VDAC1: variants seen among roughly 807,000 people sequenced by gnomAD.
The protein encoded by VDAC1 is non-selective voltage-gated ion channel VDAC1.
VDAC1 carries 10 observed loss-of-function variants against 34.7 expected under a neutral mutation model. The observed-to-expected ratio is 0.29, with a 90% CI of 0.18 to 0.49. The LOEUF is 0.49. Ranked by LOEUF, VDAC1 falls within the 20% of genes least tolerant of loss-of-function variation. The pLI, the probability that VDAC1 is intolerant of heterozygous loss-of-function variation, is 0.99. For synonymous variants in VDAC1, 130 were observed against 136.0 expected (o/e 0.96, Z 0.30); for missense variants, 230 against 347.9 (o/e 0.66, Z 2.69).
At chr5:134,075,787 A>G in the VDAC1 span, among the ~76,000 whole-genome samples, 1,340 of 151,852 alleles carry the variant, frequency 8.8e-3, 20 homozygotes, top group African/African-American at 0.029. Flanking sequence ...GGGTTTCACC[A>G]TGTTAGCCAG....
At chr5:133,994,135 C>T (rs548189023) in intron 1 of VDAC1, among the ~76,000 whole-genome samples, 4 of 152,256 alleles carry the variant, frequency 2.6e-5, no homozygotes, top group African/African-American at 9.6e-5. Flanking sequence ...ATATGACATG[C>T]TCCTGGCATG....
chr5:134,080,554 G>A, the VDAC1 span, among the ~76,000 whole-genome samples: 8 of 151,714 alleles, frequency 5.3e-5, no homozygotes, highest in African/African-American at 1.7e-4. Context: ...TTAAGTCACC[G>A]AGGTACCATA....
chr5:134,055,624 G>C, the VDAC1 span, among the ~76,000 whole-genome samples: 1 of 91,700 alleles, frequency 1.1e-5, no homozygotes, highest in African/African-American at 4.9e-5. Context: ...TTTTTTAGTA[G>C]AGACAGGGTT....
At chr5:133,977,356 C>G (rs1752519493) in intron 6 of VDAC1, among the ~76,000 whole-genome samples, 1 of 152,224 alleles carries the variant, frequency 6.6e-6, no homozygotes, top group Non-Finnish European at 1.5e-5. Context: ...TAAAATGTCT[C>G]CCTCTTTCAA....
At chr5:133,996,655 A>C (rs1753326057) in intron 1 of VDAC1, among the ~76,000 whole-genome samples, 1 of 152,172 alleles carries the variant, frequency 6.6e-6, no homozygotes, top group African/African-American at 2.4e-5. Context: ...ATATGGAAAA[A>C]GTTACGTATA....
At chr5:134,095,071 T>C in the VDAC1 span, among the ~76,000 whole-genome samples, 1 of 33,942 alleles carries the variant, frequency 2.9e-5, no homozygotes, top group Non-Finnish European at 8.7e-5. Context: ...AGACGTGCCA[T>C]GTAAAAAAAG....
At chr5:133,993,739 T>C (rs1753194525) in intron 1 of VDAC1, among the ~76,000 whole-genome samples, 1 of 152,222 alleles carries the variant, frequency 6.6e-6, no homozygotes, top group African/African-American at 2.4e-5. Flanking sequence ...AAAGGACTAC[T>C]TGGGATTGCT....
At chr5:134,024,308 A>G in the VDAC1 span, among the ~76,000 whole-genome samples, 1 of 152,086 alleles carries the variant, frequency 6.6e-6, no homozygotes, top group Non-Finnish European at 1.5e-5. Flanking sequence ...GAGGGCAGTC[A>G]CTTGAGGTCA....
chr5:134,005,981 A>G (rs1463807824), upstream of VDAC1, among the ~76,000 whole-genome samples: 1 of 152,170 alleles, frequency 6.6e-6, no homozygotes, highest in East Asian at 1.9e-4. Flanking sequence ...GGAGGAGGCA[A>G]TCAGGACTGG....
the VDAC1 span, among the ~76,000 whole-genome samples, chr5:134,039,532 T>C: frequency 6.6e-6 from 1 of 151,980 alleles, no homozygotes; most frequent in Non-Finnish European, 1.5e-5. Flanking sequence ...GGTTTCACCG[T>C]GTTAGCCAGG....
chr5:133,980,653 A>AAAAAAAC, intron 6 of VDAC1, 76 bp downstream of exon 6: 1 of 953,196 alleles, frequency 1.0e-6, no homozygotes, highest in Non-Finnish European at 1.5e-6. Flanking sequence ...AAAAAAAAAA[A>AAAAAAAC]CAGTGAAAAG....
the VDAC1 span, among the ~76,000 whole-genome samples, chr5:134,070,482 A>C: frequency 7.1e-6 from 1 of 141,332 alleles, no homozygotes; most frequent in East Asian, 1.9e-4. Flanking sequence ...TTATTTTTAA[A>C]TACATGATTA....
chr5:134,097,023 C>T, the VDAC1 span, among the ~76,000 whole-genome samples: 18 of 152,254 alleles, frequency 1.2e-4, no homozygotes, highest in Non-Finnish European at 2.2e-4. Flanking sequence ...TCCCAGCGCA[C>T]ATCCCTACCA....
intron 1 of VDAC1, among the ~76,000 whole-genome samples, chr5:133,995,784 A>C (rs1753278649): frequency 6.6e-6 from 1 of 152,186 alleles, no homozygotes; most frequent in Admixed American, 6.5e-5. Context: ...CCCATTTCAG[A>C]GACAATTTTA....
the VDAC1 span, among the ~76,000 whole-genome samples, chr5:134,069,818 T>TG: frequency 7.7e-4 from 117 of 152,112 alleles, no homozygotes; most frequent in African/African-American, 2.8e-3. Context: ...AGTCACAGGA[T>TG]GAGATAGGAG....
At chr5:134,033,904 A>C in the VDAC1 span, among the ~76,000 whole-genome samples, 1 of 151,974 alleles carries the variant, frequency 6.6e-6, no homozygotes, top group Non-Finnish European at 1.5e-5. Context: ...AGGCAGGAGA[A>C]CGGCATGAAC....
chr5:134,014,980 T>C, the VDAC1 span, among the ~76,000 whole-genome samples: 1 of 152,000 alleles, frequency 6.6e-6, no homozygotes, highest in Non-Finnish European at 1.5e-5. Flanking sequence ...CAGTGGTGGA[T>C]GGAATAAAGA....
chr5:133,997,188 G>T (rs2127001613), intron 1 of VDAC1, among the ~76,000 whole-genome samples: 1 of 152,248 alleles, frequency 6.6e-6, no homozygotes, highest in Admixed American at 6.5e-5. Flanking sequence ...TCTTTTTGGA[G>T]AGCAATTAAC....
the VDAC1 span, among the ~76,000 whole-genome samples, chr5:134,044,350 G>A: frequency 2.0e-5 from 3 of 152,198 alleles, no homozygotes; most frequent in African/African-American, 7.2e-5. Context: ...TCCAACAGCA[G>A]CCAACACCTG....
Sources: allele counts gnomAD v4.1 joint callset (sites outside exome capture counted in the v4.1 genomes callset), GRCh38; gene constraint gnomAD v4.1.1; transcripts MANE v1.5; gene names NCBI Gene and HGNC (gene_info 2026-07-23, HGNC 2026-07-21).